Variants in ZMYM1 observed in about 807,000 individuals in gnomAD.
ZMYM1 encodes zinc finger MYM-type containing 1, also known as zinc finger MYM-type protein 1.
Under a neutral mutation model 60.0 loss-of-function variants are expected in ZMYM1, and 39 were observed. The observed-to-expected ratio is 0.65, with a 90% CI of 0.50 to 0.85. The LOEUF is 0.85. Ranked by LOEUF, ZMYM1 falls within the 40% of genes least tolerant of loss-of-function variation. The pLI, the probability that ZMYM1 is intolerant of heterozygous loss-of-function variation, is 0.00. For synonymous variants in ZMYM1, 413 were observed against 454.0 expected, an observed-to-expected ratio of 0.91 and a Z score of 1.15; for missense variants, 1,171 against 1,309.5, an observed-to-expected ratio of 0.89 and a Z score of 1.63.
In ZMYM1 at chr1:35,113,130, A is replaced by C; in HGVS notation, c.1300A>C (p.Ser434Arg). 1 of 1,614,042 alleles carries C rather than the reference A, an allele frequency of 6.2e-7. No individual in the cohort carries two copies. The highest frequency in any genetic ancestry group is 8.5e-7 in the Non-Finnish European group (1 of 1,179,972). The change falls in exon 10 of 10, where the codon AGT (serine) becomes CGT (arginine). Residue 434 changes from serine to arginine, a missense_variant. Physicochemically the swap from Ser to Arg is moderately radical, Grantham distance 110. Coordinates refer to ENST00000359858, the MANE Select transcript of ZMYM1 (RefSeq NM_024772.5). ...AGACAATATGAAATCTATGAAAATA[A>C]GTGATGAACTATGTCACCCAAAATG... is the stretch of plus-strand genomic sequence containing the variant. ...QKDNMKSMKI[S>R]DELCHPKCTS...
rs2148574914 is a variant in ZMYM1, at chr1:35,113,561, A to G, written c.1731A>G (p.Ser577=). 1 of 1,613,628 alleles carries G rather than the reference A, an allele frequency of 6.2e-7. No homozygotes were observed. The highest frequency in any genetic ancestry group is 8.5e-7 in the Non-Finnish European group (1 of 1,179,854). ...QCLPLRGNDQ[S]VSSVNKGNFL... ...TACCCTTAAGAGGAAACGACCAGTC[A>G]GTTTCATCTGTGAATAAAGGCAATT... The change falls in exon 10 of 10, where the codon TCA becomes TCG. Residue 577 remains serine, a synonymous_variant. Transcript: ENST00000359858.
rs1238755213 is a variant in ZMYM1 at position 35,073,340 on chromosome 1, AG to A, written c.-300-5652del. Among the ~76,000 whole-genome samples, 148 of 135,380 alleles carry A rather than the reference AG, an allele frequency of 1.1e-3. 2 individuals carry two copies. The South Asian group carries it at 0.017, about 15-fold the overall frequency. The allele number at this position is 135,380 out of a possible 152,430, so 88.8% of individuals were successfully genotyped here. The stretch of plus-strand genomic sequence containing the variant: ...AAAAAAGAAAGGGAGAAAGAAAGAA[AG>A]GAAGGAAGGAAGGAAGGAAGGAAGG... On this transcript the variant is annotated intron_variant, in intron 1 of 10. Transcript: ENST00000417119.
chr1:35,074,146 T>A (rs1642124391), intron 1 of ZMYM1, among the ~76,000 whole-genome samples: 1 of 152,216 alleles, frequency 6.6e-6, no homozygotes, highest in South Asian at 2.1e-4. Context: ...TCATTCAGGA[T>A]CATCTTGTTT....
chr1:35,093,801 A>G (rs367792566), intron 1 of ZMYM1, 113 bp from the exon 2 acceptor site: 17 of 415,390 alleles, frequency 4.1e-5, no homozygotes, highest in South Asian at 2.6e-4. Context: ...TGTTCTTTCA[A>G]TGAAGGAACC....
rs539312079 is a variant in ZMYM1 at position 35,114,771 on chromosome 1, T to C, written c.2941T>C (p.Leu981=). 30 of 1,597,870 alleles carry C rather than the reference T, an allele frequency of 1.9e-5. No homozygotes were observed. In the African/African-American group the frequency reaches 3.6e-4, roughly 19 times the overall value. ...GLDTILQNLK[L]CFSEFDYCKI... is the part of the protein sequence containing the mutation. ...AGATACTATATTACAAAATTTAAAGTTATGTTTTTCGGAGTTTGATTATTG... is the reference window on the plus strand; with the variant it reads ...AGATACTATATTACAAAATTTAAAGCTATGTTTTTCGGAGTTTGATTATTG... Residue 981 remains leucine, a synonymous_variant, in exon 10 of 10, where the codon TTA becomes CTA. Coordinates refer to ENST00000359858, the MANE Select transcript of ZMYM1 (RefSeq NM_024772.5).
chr1:35,097,345 T>C lies in ZMYM1; in HGVS notation c.198T>C (p.Leu66=), dbSNP rs1643391079. ...CACAGTTGACTGCAGGCATTCAGCTTTCTCTGGCATCATCTGGCGTGAATA... is the reference window on the plus strand; with the variant it reads ...CACAGTTGACTGCAGGCATTCAGCTCTCTCTGGCATCATCTGGCGTGAATA... ...SASQLTAGIQ[L]SLASSGVNKM... Residue 66 remains leucine (L), a synonymous_variant, in exon 4 of 10, where the codon CTT becomes CTC. Transcript: ENST00000359858. 43 of 1,609,734 alleles carry C rather than the reference T, an allele frequency of 2.7e-5. No homozygotes were observed. The highest frequency in any genetic ancestry group is 3.7e-5 in the Non-Finnish European group (43 of 1,177,986).
intron 1 of ZMYM1, among the ~76,000 whole-genome samples, chr1:35,060,324 C>A (rs1205419984): frequency 6.6e-6 from 1 of 151,962 alleles, no homozygotes; most frequent in East Asian, 1.9e-4. Flanking sequence ...CCATGCCCAG[C>A]TAATTTTCTA....
At position 35,113,150 on chromosome 1, in the gene ZMYM1, A is replaced by C; in HGVS notation, c.1320A>C (p.Pro440=). 6.2e-7 allele frequency: 1 copy of C among 1,613,924 alleles called. No homozygotes were observed. Among genetic ancestry groups the C allele is most frequent in the Non-Finnish European group, 8.5e-7 (1 of 1,179,924 alleles). The change falls in exon 10 of 10, where the codon CCA becomes CCC. Residue 440 remains proline (P), a synonymous_variant. Coordinates refer to ENST00000359858, the MANE Select transcript of ZMYM1 (RefSeq NM_024772.5). ...SMKISDELCH[P]KCTSKVQKVK... is the part of the protein sequence containing the mutation. Reference sequence around the variant, plus strand: ...AAATAAGTGATGAACTATGTCACCCAAAATGTACATCCAAAGTACAAAAAG... The same window carrying C: ...AAATAAGTGATGAACTATGTCACCCCAAATGTACATCCAAAGTACAAAAAG...
chr1:35,110,460 T>C lies in ZMYM1; in HGVS notation c.961+13T>C. On this transcript the variant is annotated intron_variant, in intron 7 of 9. Coordinates refer to ENST00000359858, the MANE Select transcript of ZMYM1 (RefSeq NM_024772.5). Reference sequence around the variant, plus strand: ...GAATCTTCTTCAGGTAATGTTTGTTTAGCAATTGTAGGGGTTTAGTAATTA... The same window carrying C: ...GAATCTTCTTCAGGTAATGTTTGTTCAGCAATTGTAGGGGTTTAGTAATTA... The C allele has an allele frequency of 6.9e-7, 1 of 1,458,480 alleles. No individual in the cohort carries two copies. 90.3% of individuals were successfully genotyped at this position (1,458,480 alleles called of 1,614,324 possible).
chr1:35,074,862 T>C (rs1317674405), upstream of ZMYM1, among the ~76,000 whole-genome samples: 3 of 151,508 alleles, frequency 2.0e-5, no homozygotes, highest in Non-Finnish European at 1.5e-5. Flanking sequence ...TATATTTTTT[T>C]TTTTTTTAAT....
At chr1:35,107,459 ACT>A (rs1222700278) in intron 6 of ZMYM1, among the ~76,000 whole-genome samples, 3 of 147,942 alleles carry the variant, frequency 2.0e-5, no homozygotes, top group African/African-American at 7.6e-5. Flanking sequence ...ACAGAGCGAG[ACT>A]CTGTCTCAGA....
At chr1:35,116,063 A>G (rs1169519979), downstream of ZMYM1, among the ~76,000 whole-genome samples, 1 of 151,474 alleles carries the variant, frequency 6.6e-6, no homozygotes, top group Non-Finnish European at 1.5e-5. Flanking sequence ...AGACCTCATC[A>G]CTACAATTTT....
At chr1:35,078,639 C>G (rs898087848), upstream of ZMYM1, among the ~76,000 whole-genome samples, 11 of 145,902 alleles carry the variant, frequency 7.5e-5, no homozygotes, top group African/African-American at 2.6e-4. Flanking sequence ...ACCTCTGCCT[C>G]CTGGCTTCAA....
Position 35,113,873 on chromosome 1 carries a change from T to A in ZMYM1, c.2043T>A (p.Gly681=). The A allele has an allele frequency of 6.2e-7, 1 of 1,613,656 alleles. No homozygotes were observed. Among genetic ancestry groups the A allele is most frequent in the Non-Finnish European group, 8.5e-7 (1 of 1,179,840 alleles). The change falls in exon 10 of 10, where the codon GGT becomes GGA. Residue 681 remains glycine (G), a synonymous_variant. Coordinates refer to ENST00000359858, the MANE Select transcript of ZMYM1 (RefSeq NM_024772.5). ...KAILIKERFL[G]FVDTEEMTGT... is the part of the protein sequence containing the mutation. Reference sequence around the variant, plus strand: ...TCTTAATTAAGGAAAGATTCTTGGGTTTTGTTGATACTGAGGAGATGACTG... The same window carrying A: ...TCTTAATTAAGGAAAGATTCTTGGGATTTGTTGATACTGAGGAGATGACTG...
chr1:35,061,755 G>A (rs571119736), intron 1 of ZMYM1, among the ~76,000 whole-genome samples: 1 of 151,550 alleles, frequency 6.6e-6, no homozygotes, highest in Non-Finnish European at 1.5e-5. Context: ...CAGCCTGGGT[G>A]ACAGAGCAAG....
downstream of ZMYM1, among the ~76,000 whole-genome samples, chr1:35,117,562 T>G (rs953764159): frequency 5.9e-5 from 9 of 151,752 alleles, no homozygotes; most frequent in Non-Finnish European, 1.2e-4. Flanking sequence ...CCTCAGGTGA[T>G]CCACCCACCT....
chr1:35,079,635 C>A (rs947255508), intron 1 of ZMYM1, among the ~76,000 whole-genome samples, 193 bp downstream of exon 1: 2 of 152,142 alleles, frequency 1.3e-5, no homozygotes, highest in African/African-American at 4.8e-5. Flanking sequence ...TTGTGTTTGC[C>A]GCCTCCTTTA....
intron 1 of ZMYM1, among the ~76,000 whole-genome samples, chr1:35,080,851 G>A (rs1045636897): frequency 5.3e-5 from 8 of 151,996 alleles, no homozygotes; most frequent in African/African-American, 1.9e-4. Flanking sequence ...AATTAACCAT[G>A]GACATTTTAG....
chr1:35,093,072 C>T (rs1199696558), intron 1 of ZMYM1, among the ~76,000 whole-genome samples: 1 of 152,032 alleles, frequency 6.6e-6, no homozygotes, highest in Non-Finnish European at 1.5e-5. Context: ...GGTAAAAGAC[C>T]TCGGAGTAAG....
Sources: allele counts gnomAD v4.1 joint callset (sites outside exome capture counted in the v4.1 genomes callset), GRCh38; gene constraint gnomAD v4.1.1; transcripts MANE v1.5; gene names NCBI Gene and HGNC (gene_info 2026-07-23, HGNC 2026-07-21).